The following RPTOR variants were observed in gnomAD, a reference collection of about 807,000 sequenced individuals.
RPTOR encodes regulatory associated protein of MTOR complex 1.
RPTOR carries 21 observed loss-of-function variants against 169.9 expected under a neutral mutation model. That is an observed-to-expected ratio of 0.12 (90% CI 0.09 to 0.18). RPTOR has a LOEUF of 0.18. Among genes scored for constraint, RPTOR ranks in the 10% least tolerant of loss-of-function variants. The pLI is 1.00. For synonymous variants in RPTOR, 732 were observed against 753.2 expected, an observed-to-expected ratio of 0.97 and a Z score of 0.46; for missense variants, 1,133 against 1,855.9, an observed-to-expected ratio of 0.61 and a Z score of 7.16.
chr17:80,949,109 G>A (rs1343004353), intron 27 of RPTOR, among the ~76,000 whole-genome samples: 1 of 152,178 alleles, frequency 6.6e-6, no homozygotes, highest in African/African-American at 2.4e-5. Flanking sequence ...TCCCTCCAGG[G>A]AACCCGATGC....
At chr17:80,956,944 C>T in intron 28 of RPTOR, among the ~76,000 whole-genome samples, 1 of 152,158 alleles carries the variant, frequency 6.6e-6, no homozygotes, top group East Asian at 1.9e-4. Context: ...CAGTGGACAC[C>T]TTAGACAGAT....
intron 7 of RPTOR, among the ~76,000 whole-genome samples, chr17:80,813,511 T>C (rs2067293620): frequency 6.6e-6 from 1 of 152,228 alleles, no homozygotes; most frequent in Non-Finnish European, 1.5e-5. Flanking sequence ...TTGCACCTGC[T>C]CAGATTGCTT....
At chr17:80,741,791 G>A (rs1038409399) in intron 5 of RPTOR, among the ~76,000 whole-genome samples, 1 of 152,202 alleles carries the variant, frequency 6.6e-6, no homozygotes, top group Non-Finnish European at 1.5e-5. Context: ...GCCCCCATGT[G>A]GTTCGTGTGG....
At chr17:80,930,310 CCCCAG>C (rs1162271811) in intron 24 of RPTOR, among the ~76,000 whole-genome samples, 2 of 145,336 alleles carry the variant, frequency 1.4e-5, no homozygotes, top group African/African-American at 5.1e-5. Context: ...TTCAGCTCAT[CCCCAG>C]CTCAGCTCAG....
rs372199523 is a variant in RPTOR, at chr17:80,602,411, C to T, written c.163-23280C>T. On this transcript the variant is annotated intron_variant, in intron 1 of 33. Coordinates refer to ENST00000306801, the MANE Select transcript of RPTOR (RefSeq NM_020761.3). ...CTCCCTCCCGGACGGGGCGGCTGGC[C>T]GGGCGGGGGGCTGACCCCCCCACCT... 15 of 111,840 alleles carry T rather than the reference C, an allele frequency of 1.3e-4. 2 individuals carry two copies. The highest frequency in any genetic ancestry group is 1.3e-3 in the African/African-American group (10 of 7,674). 6.9% of individuals were successfully genotyped at this position (111,840 alleles called of 1,614,324 possible). A position where few individuals can be genotyped will look rare whatever the true frequency, so the allele number is the denominator to read the frequency against.
At chr17:80,927,205 C>T (rs954150278) in intron 24 of RPTOR, among the ~76,000 whole-genome samples, 2 of 152,232 alleles carry the variant, frequency 1.3e-5, no homozygotes, top group African/African-American at 2.4e-5. Context: ...TCTAGAACTG[C>T]GGCCCAGTCT....
At chr17:80,681,360 C>T (rs1026520088) in intron 3 of RPTOR, among the ~76,000 whole-genome samples, 4 of 152,156 alleles carry the variant, frequency 2.6e-5, no homozygotes, top group East Asian at 1.9e-4. Context: ...GTTGCGGGGC[C>T]GCGGCTCTCG....
At chr17:80,800,915 T>C (rs752083664) in intron 7 of RPTOR, among the ~76,000 whole-genome samples, 18 of 152,300 alleles carry the variant, frequency 1.2e-4, no homozygotes, top group Admixed American at 7.8e-4. Context: ...CCGCTAACAA[T>C]CCATTGTCGT....
In RPTOR at chr17:80,601,555, C is replaced by CTTCTTTTTTTTTTTTTTTTTT. The variant is rs1555594158; in HGVS notation, c.163-24134_163-24133insCTTTTTTTTTTTTTTTTTTTT. 8.3e-4 allele frequency among the ~76,000 whole-genome samples: 15 copies of CTTCTTTTTTTTTTTTTTTTTT among 17,992 alleles called. 6 individuals are homozygous for CTTCTTTTTTTTTTTTTTTTTT. The highest frequency in any genetic ancestry group is 4.5e-3 in the African/African-American group (13 of 2,866). 11.8% of individuals were successfully genotyped at this position (17,992 alleles called of 152,430 possible). A position where few individuals can be genotyped will look rare whatever the true frequency, so the allele number is the denominator to read the frequency against. The stretch of plus-strand genomic sequence containing the variant: ...CTGCTGTTGGTGAAGATGGTTCAGT[C>CTTCTTTTTTTTTTTTTTTTTT]TTTTTTTTTTTTTTTTTAAATTTAT... On this transcript the variant is annotated intron_variant, in intron 1 of 33. Transcript: ENST00000306801.
rs1336645460 is a variant in RPTOR at position 80,674,806 on chromosome 17, AAAAAAAAAAAAAAAAAAAAC to A, written c.348+30999_348+31018del. Among the ~76,000 whole-genome samples, 573 of 109,624 alleles carry A rather than the reference AAAAAAAAAAAAAAAAAAAAC, an allele frequency of 5.2e-3. 6 individuals are homozygous for A. The highest frequency in any genetic ancestry group is 0.029 in the African/African-American group (554 of 19,004). 71.9% of individuals were successfully genotyped at this position (109,624 alleles called of 152,430 possible). On this transcript the variant is annotated intron_variant, in intron 3 of 33. Coordinates refer to ENST00000306801, the MANE Select transcript of RPTOR (RefSeq NM_020761.3). ...CTGTCTCAAAAAAAAAAAAAAAAAA[AAAAAAAAAAAAAAAAAAAAC>A]AACTTCTCAACATAAGGTCTAACAA...
intron 5 of RPTOR, among the ~76,000 whole-genome samples, chr17:80,750,598 C>T (rs1044512178): frequency 2.6e-5 from 4 of 152,200 alleles, no homozygotes; most frequent in African/African-American, 7.2e-5. Context: ...CCTGTTGTGA[C>T]GCGGGTCTGA....
chr17:80,919,770 A>G (rs894740496), intron 21 of RPTOR, among the ~76,000 whole-genome samples: 1 of 152,182 alleles, frequency 6.6e-6, no homozygotes, highest in Admixed American at 6.5e-5. Context: ...GCCACCACCG[A>G]AGGTTGGCTT....
At chr17:80,700,664 GTGA>G (rs1567864530) in intron 3 of RPTOR, among the ~76,000 whole-genome samples, 6 of 5,852 alleles carry the variant, frequency 1.0e-3, no homozygotes, top group Admixed American at 2.7e-3. Context: ...AGAGATGATG[GTGA>G]TGGTGATGAT....
chr17:80,948,106 G>A (rs1457731220), intron 27 of RPTOR, among the ~76,000 whole-genome samples: 6 of 152,224 alleles, frequency 3.9e-5, no homozygotes, highest in South Asian at 2.1e-4. Flanking sequence ...AGCGCTGGGC[G>A]GGAGGCAGGC....
chr17:80,924,973 C>T (rs888863753), intron 23 of RPTOR, among the ~76,000 whole-genome samples: 2 of 152,250 alleles, frequency 1.3e-5, no homozygotes, highest in Non-Finnish European at 2.9e-5. Flanking sequence ...AGTCCCCGCT[C>T]TCAGTCTGGT....
In RPTOR at chr17:80,878,183, G is replaced by A. The variant is rs906334923; in HGVS notation, c.1510-2232G>A. On this transcript the variant is annotated intron_variant, in intron 13 of 33. Transcript: ENST00000306801. The surrounding 1 kb of genome is among the most constrained non-coding windows in gnomAD (Gnocchi z 4.1). Reference sequence around the variant, plus strand: ...GCTGGCAGAACGCACGCCTCACTCTGTCGATGCAGTGTCTGTCACTGCTCA... The same window carrying A: ...GCTGGCAGAACGCACGCCTCACTCTATCGATGCAGTGTCTGTCACTGCTCA... Among the ~76,000 whole-genome samples the A allele has an allele frequency of 5.9e-5, 9 of 152,316 alleles. 1 individual carries two copies. In the East Asian group the frequency reaches 7.7e-4, roughly 13 times the overall value.
intron 25 of RPTOR, among the ~76,000 whole-genome samples, chr17:80,943,516 C>A (rs535388884): frequency 6.6e-6 from 1 of 152,082 alleles, no homozygotes; most frequent in Non-Finnish European, 1.5e-5. Context: ...GGTTCTACCC[C>A]AGATCGGGAG....
At position 80,917,501 on chromosome 17, in the gene RPTOR, G is replaced by A. The variant is rs145657027; in HGVS notation, c.2521-5223G>A. 4.0e-4 allele frequency among the ~76,000 whole-genome samples: 61 copies of A among 152,170 alleles called. 1 individual carries two copies. In the East Asian group the frequency reaches 7.9e-3, roughly 20 times the overall value. ...GCCTCTCTTAGAACCCAGAGAGCCC[G>A]GTCTGTGTCTCCCTACCCTCTGTTC... On this transcript the variant is annotated intron_variant, in intron 21 of 33. Coordinates refer to ENST00000306801, the MANE Select transcript of RPTOR (RefSeq NM_020761.3).
chr17:80,884,015 G>A (rs760362247), intron 16 of RPTOR, 43 bp downstream of exon 16: 11 of 1,578,796 alleles, frequency 7.0e-6, no homozygotes, highest in East Asian at 6.8e-5. Flanking sequence ...CCTGGCTGCC[G>A]ACTGCGGGGG....
Sources: allele counts gnomAD v4.1 joint callset (sites outside exome capture counted in the v4.1 genomes callset), GRCh38; gene constraint gnomAD v4.1.1; non-coding constraint Gnocchi (gnomAD v3.1); transcripts MANE v1.5; gene names NCBI Gene and HGNC (gene_info 2026-07-23, HGNC 2026-07-21).